OIT3: variants seen among roughly 807,000 people sequenced by gnomAD.
OIT3 encodes the protein oncoprotein-induced transcript 3 protein.
A neutral mutation model predicts 52.2 loss-of-function variants in OIT3; 41 were observed. The ratio of observed to expected loss-of-function variants is 0.79; its 90% CI spans 0.61 to 1.02. The LOEUF (loss-of-function observed/expected upper bound fraction) is 1.02. OIT3 is among the 50% of genes least tolerant of loss of function. The pLI is 0.00. For synonymous variants in OIT3, 244 were observed against 276.9 expected (o/e 0.88, Z 1.18); for missense variants, 634 against 715.5 (o/e 0.89, Z 1.30).
chr10:72,908,976 G>T (rs1374066788), intron 4 of OIT3, among the ~76,000 whole-genome samples: 1 of 150,820 alleles, frequency 6.6e-6, no homozygotes, highest in East Asian at 1.9e-4. Flanking sequence ...ACATGCACGG[G>T]TTTGTTACAT....
rs143316222 is a variant in OIT3 at position 72,906,736 on chromosome 10, G to C, written c.667+18G>C. The C allele has an allele frequency of 5.1e-3, 7,881 of 1,540,836 alleles. 26 individuals carry two copies. Among genetic ancestry groups the C allele is most frequent in the Non-Finnish European group, 6.2e-3 (7,081 of 1,146,656 alleles). ...TTGTGAAGGTGAGAATGGGCAAAAA[G>C]GGACCCAAATCAAGAGCCCAGAGGA... On this transcript the variant is annotated intron_variant, in intron 4 of 8. Coordinates refer to ENST00000334011, the MANE Select transcript of OIT3 (RefSeq NM_152635.3).
intron 7 of OIT3, 123 bp from the exon 8 acceptor site, chr10:72,930,415 G>A: frequency 1.4e-6 from 1 of 720,918 alleles, no homozygotes; most frequent in Non-Finnish European, 2.5e-6. Context: ...TTCCCAAAAA[G>A]CTTGAGTACA....
chr10:72,913,626 G>A, intron 6 of OIT3, 158 bp downstream of exon 6: 1 of 717,432 alleles, frequency 1.4e-6, no homozygotes, highest in Non-Finnish European at 2.5e-6. Context: ...TAACCAACGT[G>A]TTATTGAGCA....
At chr10:72,926,758 AAAG>A (rs1266382136) in intron 7 of OIT3, among the ~76,000 whole-genome samples, 15 of 152,228 alleles carry the variant, frequency 9.9e-5, no homozygotes, top group African/African-American at 3.6e-4. Flanking sequence ...CTTAACATGA[AAAG>A]AAGAAGCAAC....
chr10:72,900,399 G>C lies in OIT3; in HGVS notation c.459G>C (p.Glu153Asp), dbSNP rs1384017038. The C allele has an allele frequency of 4.4e-6, 7 of 1,608,092 alleles. No homozygotes were observed. Among genetic ancestry groups the C allele is most frequent in the Non-Finnish European group, 6.0e-6 (7 of 1,174,866 alleles). ...TAGATTTTTATGACATCTGCGACGA[G>C]GACTGCCATGGCAGCTGCTCAGATA... ...YCGHFYDICD[E>D]DCHGSCSDTS... is the part of the protein sequence containing the mutation. Residue 153 changes from glutamate to aspartate, a missense_variant, in exon 3 of 9, where the codon GAG (glutamate) becomes GAC (aspartate). Physicochemically the swap from Glu to Asp is conservative, Grantham distance 45. Transcript: ENST00000334011.
chr10:72,921,950 G>T (rs1471440267), intron 6 of OIT3, among the ~76,000 whole-genome samples: 1 of 152,100 alleles, frequency 6.6e-6, no homozygotes, highest in Non-Finnish European at 1.5e-5. Flanking sequence ...GGGACTACAG[G>T]TGTGAGCCAC....
At chr10:72,897,080 A>G (rs562310810) in intron 1 of OIT3, among the ~76,000 whole-genome samples, 50 of 152,230 alleles carry the variant, frequency 3.3e-4, no homozygotes, top group Non-Finnish European at 6.3e-4. Flanking sequence ...CTGGAATGCA[A>G]TGGTGTGGTC....
Position 72,924,395 on chromosome 10 carries a change from G to T in OIT3, c.1118G>T (p.Arg373Leu), listed in dbSNP as rs572686971. The change falls in exon 7 of 9, where the codon CGA (arginine) becomes CTA (leucine). Residue 373 changes from arginine to leucine, a missense_variant. Transcript: ENST00000334011. ...TISEGYVPNL[R>L]NSPLEIMSRN... ...TCTGAAGGATACGTTCCCAACCTTCGAAACTCCCCACTGGAAATCATGAGC... is the reference window on the plus strand; with the variant it reads ...TCTGAAGGATACGTTCCCAACCTTCTAAACTCCCCACTGGAAATCATGAGC... 3.7e-6 allele frequency: 6 copies of T among 1,613,904 alleles called. No individual in the cohort carries two copies. Among genetic ancestry groups the T allele is most frequent in the Non-Finnish European group, 5.1e-6 (6 of 1,179,974 alleles).
At position 72,930,668 on chromosome 10, in the gene OIT3, T is replaced by G. The variant is rs766970050; in HGVS notation, c.1467+31T>G. On this transcript the variant is annotated intron_variant, in intron 8 of 8. Transcript: ENST00000334011. ...TTGAACATCTTTAATTTATAACCCC[T>G]GAACCTGAGCCTTTTTTTTTTTTTT... 4.0e-5 allele frequency: 40 copies of G among 993,754 alleles called. 1 individual carries two copies. The highest frequency in any genetic ancestry group is 3.6e-4 in the South Asian group (26 of 72,412). 61.6% of individuals were successfully genotyped at this position (993,754 alleles called of 1,614,324 possible). A position where few individuals can be genotyped will look rare whatever the true frequency, so the allele number is the denominator to read the frequency against.
intron 4 of OIT3, among the ~76,000 whole-genome samples, chr10:72,908,494 T>A (rs1845999781): frequency 6.6e-6 from 1 of 152,186 alleles, no homozygotes; most frequent in Non-Finnish European, 1.5e-5. Context: ...ATATTTTATT[T>A]CATGCAACAA....
At chr10:72,927,053 C>T (rs1445713654) in intron 7 of OIT3, among the ~76,000 whole-genome samples, 4 of 152,114 alleles carry the variant, frequency 2.6e-5, no homozygotes, top group South Asian at 2.1e-4. Flanking sequence ...CTGAGAAAAA[C>T]GTAACCTACA....
At chr10:72,930,303 CCA>C (rs1846204714) in intron 7 of OIT3, among the ~76,000 whole-genome samples, 1 of 152,124 alleles carries the variant, frequency 6.6e-6, no homozygotes, top group African/African-American at 2.4e-5. Context: ...GCCCTGGTGC[CCA>C]GTTTGTGGGT....
In OIT3 at chr10:72,893,752, C is replaced by A; in HGVS notation, c.-47C>A. On this transcript the variant is annotated 5_prime_UTR_variant, in exon 1 of 9. Transcript: ENST00000334011. ...GAAAGAGAAGGGGACAAAGGAACAC[C>A]AGTATTAAGAGGATTTTCCAGTGTT... The A allele has an allele frequency of 1.3e-6, 2 of 1,517,192 alleles. No homozygotes were observed. The highest frequency in any genetic ancestry group is 1.9e-5 in the Admixed American group (1 of 52,440). 94.0% of individuals were successfully genotyped at this position (1,517,192 alleles called of 1,614,324 possible).
chr10:72,929,294 C>G (rs1846194820), intron 7 of OIT3, among the ~76,000 whole-genome samples: 1 of 151,792 alleles, frequency 6.6e-6, no homozygotes, highest in Admixed American at 6.6e-5. Context: ...AATATCTGAC[C>G]TCCACTTTTT....
At chr10:72,910,107 T>C (rs1199131740) in intron 4 of OIT3, among the ~76,000 whole-genome samples, 2 of 152,216 alleles carry the variant, frequency 1.3e-5, no homozygotes, top group African/African-American at 4.8e-5. Context: ...TTTCAGTTTA[T>C]TTTGTATTTT....
chr10:72,908,985 A>G (rs962238206), intron 4 of OIT3, among the ~76,000 whole-genome samples: 1 of 149,566 alleles, frequency 6.7e-6, no homozygotes, highest in African/African-American at 2.5e-5. Flanking sequence ...GGTTTGTTAC[A>G]TGGATATATT....
chr10:72,930,855 T>A (rs190409641), intron 8 of OIT3, among the ~76,000 whole-genome samples: 42 of 152,190 alleles, frequency 2.8e-4, no homozygotes, highest in African/African-American at 9.6e-4. Flanking sequence ...TCATACCACC[T>A]GCCAAAATAA....
At position 72,913,422 on chromosome 10, in the gene OIT3, A is replaced by G; in HGVS notation, c.905A>G (p.His302Arg). Reference protein sequence around the residue: ...TSCRGVSNGTHVNILFSLKTC... With the variant: ...TSCRGVSNGTRVNILFSLKTC... ...TGCCGAGGAGTGTCCAACGGCACCC[A>G]TGTCAACATCCTCTTCTCTCTCAAG... Residue 302 changes from histidine (H) to arginine (R), a missense_variant, in exon 6 of 9, where the codon CAT becomes CGT. Physicochemically the swap from His to Arg is conservative, Grantham distance 29. Transcript: ENST00000334011. 2.5e-6 allele frequency: 4 copies of G among 1,613,398 alleles called. No homozygotes were observed. Among genetic ancestry groups the G allele is most frequent in the Non-Finnish European group, 3.4e-6 (4 of 1,179,452 alleles).
intron 3 of OIT3, among the ~76,000 whole-genome samples, chr10:72,904,481 G>T: frequency 6.6e-6 from 1 of 152,064 alleles, no homozygotes; most frequent in African/African-American, 2.4e-5. Flanking sequence ...TACTTTCCAG[G>T]CAGTATAATG....
Sources: gnomAD v4.1 joint callset for allele counts (sites outside exome capture counted in the v4.1 genomes callset) on GRCh38, gnomAD v4.1.1 for gene constraint, MANE v1.5 for transcripts, NCBI Gene and HGNC (gene_info 2026-07-23, HGNC 2026-07-21) for gene names.